KCNK2: variants seen among roughly 807,000 people sequenced by gnomAD.
The protein encoded by KCNK2 is potassium channel subfamily K member 2.
KCNK2 carries 21 observed loss-of-function variants against 40.5 expected under a neutral mutation model. The observed-to-expected ratio is 0.52, with a 90% CI of 0.37 to 0.75. The LOEUF is 0.75. Ranked by LOEUF, KCNK2 falls within the 30% of genes least tolerant of loss-of-function variation. The pLI is 0.00. For synonymous variants in KCNK2, 191 were observed against 202.2 expected, an observed-to-expected ratio of 0.94 and a Z score of 0.47; for missense variants, 399 against 531.6, an observed-to-expected ratio of 0.75 and a Z score of 2.45.
chr1:215,184,081 C>A (rs909444517), intron 5 of KCNK2, among the ~76,000 whole-genome samples: 5 of 152,260 alleles, frequency 3.3e-5, no homozygotes, highest in Middle Eastern at 3.4e-3. Context: ...TATATCCTCT[C>A]TGGATGAGGA....
intron 2 of KCNK2, among the ~76,000 whole-genome samples, chr1:215,107,992 C>T (rs191699862): frequency 2.4e-4 from 37 of 152,192 alleles, no homozygotes; most frequent in Non-Finnish European, 4.3e-4. Flanking sequence ...AGACCAATGG[C>T]GGTCAGGGGA....
intron 6 of KCNK2, among the ~76,000 whole-genome samples, chr1:215,210,106 C>G (rs1212341926): frequency 1.4e-5 from 1 of 69,204 alleles, no homozygotes; most frequent in Non-Finnish European, 2.6e-5. Context: ...TATATATGTA[C>G]TATACATACT....
At chr1:215,047,732 C>T (rs930640413) in intron 1 of KCNK2, among the ~76,000 whole-genome samples, 1 of 152,108 alleles carries the variant, frequency 6.6e-6, no homozygotes, top group Non-Finnish European at 1.5e-5. Flanking sequence ...TTTAATAATG[C>T]ATACACCTCA....
intron 3 of KCNK2, among the ~76,000 whole-genome samples, chr1:215,135,058 A>G (rs1323741954): frequency 6.6e-6 from 1 of 152,186 alleles, no homozygotes; most frequent in African/African-American, 2.4e-5. Context: ...CTTGATGGAA[A>G]AAAAGACTGC....
intron 3 of KCNK2, among the ~76,000 whole-genome samples, chr1:215,150,426 G>A (rs1475226146): frequency 6.6e-6 from 1 of 151,996 alleles, no homozygotes; most frequent in Admixed American, 6.6e-5. Context: ...TTGAATAATT[G>A]TTTAATTTCC....
chr1:215,060,159 T>C (rs1007189845), intron 1 of KCNK2, among the ~76,000 whole-genome samples: 20 of 152,180 alleles, frequency 1.3e-4, no homozygotes, highest in African/African-American at 4.8e-4. Flanking sequence ...AGAGATTCAG[T>C]CCGCAGTGCC....
intron 6 of KCNK2, among the ~76,000 whole-genome samples, chr1:215,202,201 G>A (rs1296566219): frequency 6.6e-6 from 1 of 152,178 alleles, no homozygotes; most frequent in African/African-American, 2.4e-5. Context: ...ACAATGGGCT[G>A]TTCAAACTAA....
intron 1 of KCNK2, among the ~76,000 whole-genome samples, chr1:215,012,280 G>A (rs1368531565): frequency 4.6e-5 from 7 of 152,096 alleles, no homozygotes; most frequent in Admixed American, 4.6e-4. Flanking sequence ...GGGTACGAGG[G>A]TCCTAGTTAC....
At chr1:215,206,039 C>A (rs966674335) in intron 6 of KCNK2, among the ~76,000 whole-genome samples, 3 of 152,190 alleles carry the variant, frequency 2.0e-5, no homozygotes, top group African/African-American at 7.2e-5. Flanking sequence ...GGTAAGAGTT[C>A]AAGTAAAATA....
chr1:215,114,238 T>A (rs1193328045), intron 2 of KCNK2, among the ~76,000 whole-genome samples: 1 of 152,120 alleles, frequency 6.6e-6, no homozygotes, highest in Non-Finnish European at 1.5e-5. Flanking sequence ...GAGATTAGTA[T>A]CTTAGTTGTG....
chr1:215,163,309 A>T lies in KCNK2; in HGVS notation c.476-5890A>T, dbSNP rs553376478. 3.5e-4 allele frequency among the ~76,000 whole-genome samples: 54 copies of T among 152,276 alleles called. 2 individuals are homozygous for T. The South Asian group carries it at 8.1e-3, about 23-fold the overall frequency. On this transcript the variant is annotated intron_variant, in intron 3 of 6. Coordinates refer to ENST00000444842, the MANE Select transcript of KCNK2 (RefSeq NM_001017425.3). ...GCTGAAGTTGCTTATCAACTTAAGG[A>T]GATTTTGGGCTGAGACGATGGAGTT...
At chr1:215,197,014 A>T (rs931472576) in intron 6 of KCNK2, among the ~76,000 whole-genome samples, 1 of 152,182 alleles carries the variant, frequency 6.6e-6, no homozygotes, top group African/African-American at 2.4e-5. Context: ...AATATTATAA[A>T]TAAACTATGT....
chr1:215,097,695 G>A (rs1480618043), intron 2 of KCNK2, among the ~76,000 whole-genome samples: 2 of 151,980 alleles, frequency 1.3e-5, no homozygotes, highest in African/African-American at 2.4e-5. Context: ...GATTGTGAAA[G>A]TGATGGTGTG....
chr1:215,152,464 G>C (rs1000715575), intron 3 of KCNK2, among the ~76,000 whole-genome samples: 12 of 152,128 alleles, frequency 7.9e-5, no homozygotes, highest in African/African-American at 2.7e-4. Flanking sequence ...TTTCTCATAT[G>C]CATGCTGTCT....
chr1:215,163,424 T>C (rs576234664), intron 3 of KCNK2, among the ~76,000 whole-genome samples: 1 of 152,282 alleles, frequency 6.6e-6, no homozygotes, highest in East Asian at 1.9e-4. Context: ...TTCTCTTGCC[T>C]GATTGCCCTG....
intron 5 of KCNK2, among the ~76,000 whole-genome samples, chr1:215,189,015 C>G (rs1433762255): frequency 6.6e-6 from 1 of 152,158 alleles, no homozygotes; most frequent in Admixed American, 6.5e-5. Context: ...GGAGCAACAA[C>G]TAAGTAGGGA....
intron 1 of KCNK2, among the ~76,000 whole-genome samples, chr1:215,021,968 A>C (rs1656812451): frequency 6.6e-6 from 1 of 151,952 alleles, no homozygotes; most frequent in African/African-American, 2.4e-5. Context: ...GACTTACAGC[A>C]CTGGCTGCAC....
In KCNK2 at chr1:215,030,613, C is replaced by T. The variant is rs951521547; in HGVS notation, c.34+24658C>T. Among the ~76,000 whole-genome samples the T allele has an allele frequency of 3.3e-5, 5 of 151,932 alleles. No individual in the cohort carries two copies. The East Asian group carries it at 9.7e-4, about 29-fold the overall frequency. Reference sequence around the variant, plus strand: ...GTAGCGGTGTGATCATGGATCACTGCAGCTTCGACCTCCCAGGCTCAAGTG... The same window carrying T: ...GTAGCGGTGTGATCATGGATCACTGTAGCTTCGACCTCCCAGGCTCAAGTG... On this transcript the variant is annotated intron_variant, in intron 1 of 6. Transcript: ENST00000391895.
intron 5 of KCNK2, among the ~76,000 whole-genome samples, chr1:215,185,604 A>G (rs1382536272): frequency 6.6e-6 from 1 of 152,140 alleles, no homozygotes; most frequent in African/African-American, 2.4e-5. Flanking sequence ...CCCATCTGGG[A>G]AATATCAATT....
Sources: gnomAD v4.1 joint callset for allele counts (sites outside exome capture counted in the v4.1 genomes callset) on GRCh38, gnomAD v4.1.1 for gene constraint, MANE v1.5 for transcripts, NCBI Gene and HGNC (gene_info 2026-07-23, HGNC 2026-07-21) for gene names.